PDE4D: variants seen among roughly 807,000 people sequenced by gnomAD.
The protein encoded by PDE4D is phosphodiesterase 4D, also known as 3',5'-cyclic-AMP phosphodiesterase 4D.
A neutral mutation model predicts 87.4 loss-of-function variants in PDE4D; 24 were observed. The ratio of observed to expected loss-of-function variants is 0.27; its 90% CI spans 0.20 to 0.39. The LOEUF (loss-of-function observed/expected upper bound fraction) is 0.39, where lower values mean the gene tolerates loss of function less well. PDE4D is among the 10% of genes least tolerant of loss of function. The probability of loss-of-function intolerance (pLI) is 1.00; values close to 1 mark genes in which losing one functional copy is unlikely to be tolerated. For synonymous variants in PDE4D, 384 were observed against 383.2 expected (o/e 1.00, Z -0.02); for missense variants, 714 against 1,041.0 (o/e 0.69, Z 4.32).
chr5:59,998,761 G>GT (rs1181252609), intron 2 of PDE4D, among the ~76,000 whole-genome samples: 1 of 151,898 alleles, frequency 6.6e-6, no homozygotes, highest in African/African-American at 2.4e-5. Flanking sequence ...CAAAAGTGTG[G>GT]TACCTTCAAA....
intron 1 of PDE4D, among the ~76,000 whole-genome samples, chr5:59,816,167 G>T (rs1320164623): frequency 6.6e-6 from 1 of 152,118 alleles, no homozygotes; most frequent in Non-Finnish European, 1.5e-5. Context: ...TATATGTTAG[G>T]CATTGTCTTA....
chr5:59,336,817 T>C (rs1279762520), intron 1 of PDE4D, among the ~76,000 whole-genome samples: 1 of 152,158 alleles, frequency 6.6e-6, no homozygotes, highest in Non-Finnish European at 1.5e-5. Context: ...CCAGCCTTAG[T>C]AGCAGATGAT....
intron 1 of PDE4D, among the ~76,000 whole-genome samples, chr5:59,331,630 A>C (rs1776744720): frequency 6.6e-6 from 1 of 152,192 alleles, no homozygotes. Context: ...TTTCTTTTCC[A>C]GAATCATTTT....
chr5:60,462,549 TC>T (rs1414367014), intron 1 of PDE4D, among the ~76,000 whole-genome samples: 1 of 152,034 alleles, frequency 6.6e-6, no homozygotes, highest in Admixed American at 6.5e-5. Flanking sequence ...AAATCTCCTC[TC>T]TCTGTTTCCT....
chr5:59,700,601 T>C (rs1240835717), intron 1 of PDE4D, among the ~76,000 whole-genome samples: 1 of 152,184 alleles, frequency 6.6e-6, no homozygotes, highest in Non-Finnish European at 1.5e-5. Context: ...TACTTATCTA[T>C]TTACATGTAT....
chr5:59,804,697 T>C (rs1767543837), intron 1 of PDE4D, among the ~76,000 whole-genome samples: 1 of 152,232 alleles, frequency 6.6e-6, no homozygotes, highest in Non-Finnish European at 1.5e-5. Context: ...CTTCATTTCA[T>C]AAAACTTAAA....
chr5:59,988,529 C>A, exon 3 of PDE4D: 1 of 1,599,184 alleles, frequency 6.3e-7, no homozygotes, highest in African/African-American at 1.3e-5. Flanking sequence ...GCGGCAGAAT[C>A]TTCAGGGGGA....
chr5:60,208,733 C>T (rs41506252), intron 1 of PDE4D, among the ~76,000 whole-genome samples: 5,983 of 152,298 alleles, frequency 0.039, 147 homozygotes, highest in South Asian at 0.095. Flanking sequence ...AATATAGTCA[C>T]TGTGGTATTA....
chr5:59,178,270 C>T (rs1328475268), intron 5 of PDE4D, among the ~76,000 whole-genome samples: 1 of 152,112 alleles, frequency 6.6e-6, no homozygotes, highest in Non-Finnish European at 1.5e-5. Flanking sequence ...AAACGACTTC[C>T]CAGTTTTAGT....
chr5:59,039,599 C>G, intron 5 of PDE4D: 1 of 775,220 alleles, frequency 1.3e-6, no homozygotes, highest in Non-Finnish European at 1.6e-6. Context: ...CCCCCTCACG[C>G]CCCTCTCGGC....
intron 6 of PDE4D, among the ~76,000 whole-genome samples, chr5:59,007,943 T>A (rs570873784): frequency 1.6e-4 from 24 of 152,264 alleles, no homozygotes; most frequent in African/African-American, 5.3e-4. Flanking sequence ...AACATGAGAC[T>A]GATCTGATAG....
At chr5:59,248,042 TAAAAAAAAAAAA>T (rs70975306) in intron 1 of PDE4D, among the ~76,000 whole-genome samples, 4 of 37,494 alleles carry the variant, frequency 1.1e-4, no homozygotes, top group African/African-American at 5.3e-4. Flanking sequence ...TATCTATTAG[TAAAAAAAAAAAA>T]AAAAAAAAAA....
At chr5:59,398,143 C>G (rs201552313) in intron 1 of PDE4D, among the ~76,000 whole-genome samples, 1 of 147,226 alleles carries the variant, frequency 6.8e-6, no homozygotes, top group African/African-American at 2.6e-5. Flanking sequence ...CCAAATTCTA[C>G]CAGAGGTACA....
intron 1 of PDE4D, among the ~76,000 whole-genome samples, chr5:59,724,866 A>T (rs1200234805): frequency 6.6e-6 from 1 of 152,182 alleles, no homozygotes; most frequent in African/African-American, 2.4e-5. Flanking sequence ...ATACAAATAT[A>T]TAACAACATT....
At chr5:59,869,125 G>A (rs950124026) in intron 1 of PDE4D, among the ~76,000 whole-genome samples, 5 of 152,124 alleles carry the variant, frequency 3.3e-5, no homozygotes, top group South Asian at 2.1e-4. Flanking sequence ...TGGAGCTGAC[G>A]ATCTGGCTAA....
At chr5:59,131,598 AC>A in intron 5 of PDE4D, among the ~76,000 whole-genome samples, 1 of 5,248 alleles carries the variant, frequency 1.9e-4, no homozygotes, top group African/African-American at 2.7e-4. Context: ...CCAATTTAAA[AC>A]ACACACACAC....
At chr5:60,446,609 T>C (rs1356109878) in intron 1 of PDE4D, among the ~76,000 whole-genome samples, 1 of 152,180 alleles carries the variant, frequency 6.6e-6, no homozygotes, top group Non-Finnish European at 1.5e-5. Flanking sequence ...GTCAGTTGCA[T>C]TGATACAACA....
intron 1 of PDE4D, among the ~76,000 whole-genome samples, chr5:59,792,799 T>C (rs1765967015): frequency 1.3e-5 from 2 of 152,146 alleles, no homozygotes; most frequent in African/African-American, 4.8e-5. Flanking sequence ...TCTGCAGAGA[T>C]ATGGCTCTGG....
intron 1 of PDE4D, among the ~76,000 whole-genome samples, chr5:60,282,621 G>A (rs959102662): frequency 6.6e-6 from 1 of 152,114 alleles, no homozygotes; most frequent in African/African-American, 2.4e-5. Flanking sequence ...GTTTTGTTGG[G>A]TTTGGGGCCC....
Sources: gnomAD v4.1 joint callset for allele counts (sites outside exome capture counted in the v4.1 genomes callset) on GRCh38, gnomAD v4.1.1 for gene constraint, MANE v1.5 for transcripts, NCBI Gene and HGNC (gene_info 2026-07-23, HGNC 2026-07-21) for gene names.